The following AKR1B15 variants were observed in gnomAD, a reference collection of about 807,000 sequenced individuals.
The protein encoded by AKR1B15 is estradiol 17-beta-dehydrogenase AKR1B15.
In AKR1B15, 49 loss-of-function variants were observed where a neutral mutation model predicts 38.5. That is an observed-to-expected ratio of 1.27 (90% CI 1.01 to 1.62). AKR1B15 has a LOEUF of 1.62. AKR1B15 is among the 40% of genes most tolerant of loss of function. AKR1B15 has a pLI of 0.00. For synonymous variants in AKR1B15, 137 were observed against 135.5 expected (o/e 1.01, Z -0.08); for missense variants, 411 against 381.6 (o/e 1.08, Z -0.64).
Position 134,575,941 on chromosome 7 carries a change from G to C in AKR1B15, c.743+14G>C, listed in dbSNP as rs764838992. ...GGATAGACCTTGGTGAGGCTTCCAA[G>C]TGGTGGGTCTTTCTCTTGATAATCT... is the stretch of plus-strand genomic sequence containing the variant. On this transcript the variant is annotated intron_variant, in intron 8 of 11. Transcript: ENST00000457545. The C allele has an allele frequency of 1.9e-6, 3 of 1,612,278 alleles. No individual in the cohort carries two copies. Among genetic ancestry groups the C allele is most frequent in the East Asian group, 4.5e-5 (2 of 44,788 alleles).
intron 7 of AKR1B15, 112 bp downstream of exon 7, chr7:134,575,654 G>A: frequency 6.3e-7 from 1 of 1,577,744 alleles, no homozygotes; most frequent in Non-Finnish European, 8.6e-7. Flanking sequence ...CAGTGATCAG[G>A]ACACTTTGGG....
At chr7:134,572,453 G>A (rs541982772) in intron 6 of AKR1B15, among the ~76,000 whole-genome samples, 5 of 151,870 alleles carry the variant, frequency 3.3e-5, no homozygotes, top group South Asian at 2.1e-4. Flanking sequence ...AGAGTAAAAC[G>A]CTGTCTCTAC....
chr7:134,569,023 A>C (rs1794607115), intron 4 of AKR1B15, among the ~76,000 whole-genome samples: 1 of 152,192 alleles, frequency 6.6e-6, no homozygotes, highest in Admixed American at 6.5e-5. Flanking sequence ...CAGATGGGTC[A>C]GATAAAGGGC....
intron 2 of AKR1B15, among the ~76,000 whole-genome samples, chr7:134,562,897 T>TCTTCCTTC (rs1562947158): frequency 6.9e-6 from 1 of 144,406 alleles, no homozygotes; most frequent in African/African-American, 2.6e-5. Context: ...TTTCCTTCTT[T>TCTTCCTTC]CTTCCTTCCT....
chr7:134,565,234 G>C (rs955598878), intron 3 of AKR1B15: 1 of 533,136 alleles, frequency 1.9e-6, no homozygotes, highest in East Asian at 3.5e-5. Flanking sequence ...CGATCACCAC[G>C]ACAGTCTGCG....
chr7:134,562,835 T>TTTCTTTCTTTCG (rs1491402601), intron 2 of AKR1B15, among the ~76,000 whole-genome samples: 56 of 25,300 alleles, frequency 2.2e-3, no homozygotes, highest in African/African-American at 0.01. Flanking sequence ...TTCCTTTCTC[T>TTTCTTTCTTTCG]TTCTTTCTTT....
chr7:134,570,903 C>T (rs138709034), intron 5 of AKR1B15, among the ~76,000 whole-genome samples: 8 of 152,348 alleles, frequency 5.3e-5, no homozygotes, highest in Non-Finnish European at 1.0e-4. Flanking sequence ...TGCCATATCA[C>T]CTTTGTCTAG....
rs143860088 is a variant in AKR1B15 at position 134,576,630 on chromosome 7, C to G, written c.825+200C>G. On this transcript the variant is annotated intron_variant, in intron 9 of 11. Transcript: ENST00000457545. ...TGAAGCAAAGATAGCTTCTGTCTCA[C>G]AGCTTCCTGTCAAGCCCTACAGCCC... Among the ~76,000 whole-genome samples, 1,261 of 152,102 alleles carry G rather than the reference C, an allele frequency of 8.3e-3. 7 individuals are homozygous for G. The highest frequency in any genetic ancestry group is 0.02 in the Middle Eastern group (6 of 294).
At chr7:134,569,229 AGAC>A (rs1794611093) in intron 4 of AKR1B15, among the ~76,000 whole-genome samples, 181 bp from the exon 5 acceptor site, 1 of 152,244 alleles carries the variant, frequency 6.6e-6, no homozygotes. Flanking sequence ...TTAAAACTTA[AGAC>A]ATGTCATTGA....
At chr7:134,563,333 C>CGAG (rs1340754462) in intron 2 of AKR1B15, among the ~76,000 whole-genome samples, 4 of 152,066 alleles carry the variant, frequency 2.6e-5, no homozygotes, top group African/African-American at 9.7e-5. Context: ...TTTGGCAGGC[C>CGAG]GAGGTGGGTG....
intron 1 of AKR1B15, among the ~76,000 whole-genome samples, chr7:134,549,830 C>T (rs1312560498): frequency 6.6e-6 from 1 of 152,154 alleles, no homozygotes; most frequent in African/African-American, 2.4e-5. Flanking sequence ...TATGTCGGAT[C>T]GTCGATACTG....
intron 2 of AKR1B15, among the ~76,000 whole-genome samples, chr7:134,557,064 C>T (rs994742654): frequency 2.6e-5 from 4 of 152,110 alleles, no homozygotes; most frequent in South Asian, 2.1e-4. Flanking sequence ...TCAAAGAGTT[C>T]GAGAAAATCT....
chr7:134,563,306 G>A (rs1222600145), intron 2 of AKR1B15, among the ~76,000 whole-genome samples: 2 of 152,150 alleles, frequency 1.3e-5, no homozygotes, highest in Non-Finnish European at 2.9e-5. Context: ...CACAGCTCAT[G>A]CCTGTAATCC....
At chr7:134,558,784 A>G (rs1794290230) in intron 2 of AKR1B15, among the ~76,000 whole-genome samples, 1 of 152,130 alleles carries the variant, frequency 6.6e-6, no homozygotes. Context: ...CTCAAAAATT[A>G]TATACTTGGT....
chr7:134,577,152 C>T (rs1399904511), intron 10 of AKR1B15, 106 bp downstream of exon 10: 5 of 1,153,452 alleles, frequency 4.3e-6, no homozygotes, highest in Admixed American at 3.8e-5. Context: ...TTGGCCCCCT[C>T]CTTCCCCACC....
chr7:134,562,874 C>CTTTCTTTCTTTCT (rs1554402403), intron 2 of AKR1B15, among the ~76,000 whole-genome samples: 32 of 138,954 alleles, frequency 2.3e-4, no homozygotes, highest in African/African-American at 8.9e-4. Flanking sequence ...TTCTTTCTTT[C>CTTTCTTTCTTTCT]TTTCTTTCTT....
At chr7:134,551,426 A>G (rs1331980522) in intron 1 of AKR1B15, among the ~76,000 whole-genome samples, 1 of 152,162 alleles carries the variant, frequency 6.6e-6, no homozygotes, top group Non-Finnish European at 1.5e-5. Context: ...TCACTGATGG[A>G]GTCTGTGCTC....
intron 6 of AKR1B15, among the ~76,000 whole-genome samples, chr7:134,574,791 G>A (rs1794728095): frequency 6.6e-6 from 1 of 152,230 alleles, no homozygotes; most frequent in Non-Finnish European, 1.5e-5. Flanking sequence ...GTACCAGGAA[G>A]CATGGCTGGA....
intron 10 of AKR1B15, among the ~76,000 whole-genome samples, chr7:134,577,276 C>T (rs1330866853): frequency 6.6e-6 from 1 of 152,206 alleles, no homozygotes; most frequent in Non-Finnish European, 1.5e-5. Context: ...GGTCTGAGCA[C>T]AGTTGTGCCT....
Sources: allele counts gnomAD v4.1 joint callset (sites outside exome capture counted in the v4.1 genomes callset), GRCh38; gene constraint gnomAD v4.1.1; transcripts MANE v1.5; gene names NCBI Gene and HGNC (gene_info 2026-07-23, HGNC 2026-07-21).